Variants in AMMECR1 observed in about 807,000 individuals in gnomAD.
AMMECR1 encodes nuclear protein AMMECR1.
AMMECR1 carries 3 observed loss-of-function variants against 22.5 expected under a neutral mutation model. The ratio of observed to expected loss-of-function variants is 0.13; its 90% CI spans 0.06 to 0.35. AMMECR1 has a LOEUF of 0.35. AMMECR1 is among the 10% of genes least tolerant of loss of function. The probability of loss-of-function intolerance (pLI) is 1.00; values close to 1 mark genes in which losing one functional copy is unlikely to be tolerated. For synonymous variants in AMMECR1, 130 were observed against 116.7 expected (o/e 1.11, Z -0.74); for missense variants, 235 against 278.7 (o/e 0.84, Z 1.12).
intron 2 of AMMECR1, among the ~76,000 whole-genome samples, chrX:110,328,001 GA>G (rs1426155380): frequency 8.9e-6 from 1 of 112,021 alleles, no homozygotes; most frequent in African/African-American, 3.2e-5. Flanking sequence ...GCTGTTTATA[GA>G]GTTATGGAGT....
Position 110,201,798 on chromosome X carries a change from G to T in AMMECR1, c.790+648C>A, listed in dbSNP as rs184381820. Among the ~76,000 whole-genome samples, 308 of 111,781 alleles carry T rather than the reference G, an allele frequency of 2.8e-3. 1 individual carries two copies. The highest frequency in any genetic ancestry group is 9.3e-3 in the Middle Eastern group (2 of 216). On this transcript the variant is annotated intron_variant, in intron 4 of 5. Transcript: ENST00000262844. ...AGAAGAAAAGCTCCCCAAGATAAAA[G>T]ATTCATTTCGACCAACATGAAACCA... is the stretch of plus-strand genomic sequence containing the variant.
At chrX:110,235,920 C>A (rs1403877465) in intron 2 of AMMECR1, among the ~76,000 whole-genome samples, 1 of 110,498 alleles carries the variant, frequency 9.0e-6, no homozygotes, top group African/African-American at 3.3e-5. Flanking sequence ...ATGTATCAAA[C>A]CTGCACGTTG....
chrX:110,277,964 ATAGTCATGCAT>A (rs1419897115), intron 1 of AMMECR1, among the ~76,000 whole-genome samples: 1 of 112,288 alleles, frequency 8.9e-6, no homozygotes, highest in East Asian at 2.8e-4. Context: ...GAAGTCATTA[ATAGTCATGCAT>A]TATGTCTAAT....
chrX:110,316,244 A>T (rs1240619190), intron 1 of AMMECR1, among the ~76,000 whole-genome samples: 2 of 112,327 alleles, frequency 1.8e-5, no homozygotes. Context: ...TCCACTTTAC[A>T]TATTAATTTA....
rs561455955 is a variant in AMMECR1, at chrX:110,302,583, T to C, written c.473+15016A>G. 1.7e-4 allele frequency among the ~76,000 whole-genome samples: 19 copies of C among 111,219 alleles called. No homozygotes were observed. The East Asian group carries it at 4.0e-3, about 23-fold the overall frequency. Reference sequence around the variant, plus strand: ...TATTGAAGAAGGGGTAAGAGGAGAATTTTCCTAGGCCAGGCGCGGTGACTC... The same window carrying C: ...TATTGAAGAAGGGGTAAGAGGAGAACTTTCCTAGGCCAGGCGCGGTGACTC... On this transcript the variant is annotated intron_variant, in intron 1 of 5. Transcript: ENST00000262844.
intron 2 of AMMECR1, among the ~76,000 whole-genome samples, chrX:110,225,362 T>G (rs376614626): frequency 1.2e-4 from 13 of 112,590 alleles, no homozygotes; most frequent in East Asian, 5.6e-4. Flanking sequence ...ACCATTTTCT[T>G]GCCCTTGCAT....
At chrX:110,322,297 G>A (rs2068081923), upstream of AMMECR1, among the ~76,000 whole-genome samples, 1 of 112,240 alleles carries the variant, frequency 8.9e-6, no homozygotes. Context: ...CTAGGAAGAA[G>A]ATGATCAAAC....
At chrX:110,255,332 A>C (rs1230639225) in intron 2 of AMMECR1, among the ~76,000 whole-genome samples, 2 of 111,449 alleles carry the variant, frequency 1.8e-5, no homozygotes, top group Non-Finnish European at 3.8e-5. Context: ...TAGGGATTGA[A>C]CCCATGATCT....
chrX:110,226,992 C>A (rs1021174067), intron 2 of AMMECR1, among the ~76,000 whole-genome samples: 1 of 111,679 alleles, frequency 9.0e-6, no homozygotes, highest in Admixed American at 9.5e-5. Context: ...GGATGCTAAG[C>A]CTTCCCTTAT....
intron 2 of AMMECR1, among the ~76,000 whole-genome samples, chrX:110,409,912 C>A (rs981945298): frequency 9.0e-6 from 1 of 111,636 alleles, no homozygotes; most frequent in Non-Finnish European, 1.9e-5. Context: ...TTCACTAGAT[C>A]CCAAACCTGG....
At chrX:110,215,270 T>G (rs1602784604) in intron 3 of AMMECR1, among the ~76,000 whole-genome samples, 1 of 111,483 alleles carries the variant, frequency 9.0e-6, no homozygotes, top group South Asian at 3.7e-4. Flanking sequence ...TGTAGAAAAG[T>G]TTTTTTTCAC....
At chrX:110,418,749 C>T (rs778389611) in intron 2 of AMMECR1, among the ~76,000 whole-genome samples, 5 of 111,734 alleles carry the variant, frequency 4.5e-5, no homozygotes, top group Admixed American at 2.8e-4. Context: ...TATTCCTGAT[C>T]CTCCAATTTT....
intron 1 of AMMECR1, among the ~76,000 whole-genome samples, chrX:110,438,665 G>A (rs969460427): frequency 9.0e-6 from 1 of 111,081 alleles, no homozygotes; most frequent in Non-Finnish European, 1.9e-5. Context: ...CAGACATAAG[G>A]TGGAATTCCT....
At chrX:110,200,285 C>A (rs770748019) in intron 5 of AMMECR1, among the ~76,000 whole-genome samples, 1 of 111,380 alleles carries the variant, frequency 9.0e-6, no homozygotes, top group South Asian at 3.8e-4. Context: ...GTCCATGCCC[C>A]TTCTATTCTC....
intron 2 of AMMECR1, among the ~76,000 whole-genome samples, chrX:110,247,223 A>C (rs1207268746): frequency 8.9e-6 from 1 of 112,283 alleles, no homozygotes; most frequent in Non-Finnish European, 1.9e-5. Flanking sequence ...AAAACCTATT[A>C]GGAAACACGT....
intron 2 of AMMECR1, among the ~76,000 whole-genome samples, chrX:110,406,266 C>T (rs1227610448): frequency 1.9e-5 from 2 of 108,011 alleles, no homozygotes; most frequent in African/African-American, 3.4e-5. Context: ...TAGCCCCCCA[C>T]GCCCCACAGG....
intron 2 of AMMECR1, among the ~76,000 whole-genome samples, chrX:110,257,419 T>C (rs1180878273): frequency 8.9e-6 from 1 of 112,550 alleles, no homozygotes; most frequent in Non-Finnish European, 1.9e-5. Flanking sequence ...TGTGTATGTG[T>C]GCATGTGCAT....
intron 2 of AMMECR1, among the ~76,000 whole-genome samples, chrX:110,240,989 C>T (rs1247092515): frequency 2.7e-5 from 3 of 111,214 alleles, no homozygotes; most frequent in African/African-American, 9.8e-5. Flanking sequence ...GGGTAAATAA[C>T]GAAATTAAGG....
intron 2 of AMMECR1, among the ~76,000 whole-genome samples, chrX:110,386,298 ATTTTATTTTAT>A (rs1204242593): frequency 9.1e-6 from 1 of 109,573 alleles, no homozygotes; most frequent in South Asian, 3.8e-4. Context: ...AACACTTGTT[ATTTTATTTTAT>A]TTTTATTTTA....
Sources: gnomAD v4.1 joint callset for allele counts (sites outside exome capture counted in the v4.1 genomes callset) on GRCh38, gnomAD v4.1.1 for gene constraint, MANE v1.5 for transcripts, NCBI Gene and HGNC (gene_info 2026-07-23, HGNC 2026-07-21) for gene names.